Variants in CEP162 observed in about 807,000 individuals in gnomAD.
CEP162 encodes the protein centrosomal protein of 162 kDa.
CEP162 carries 141 observed loss-of-function variants against 169.2 expected under a neutral mutation model. The ratio of observed to expected loss-of-function variants is 0.83; its 90% CI spans 0.73 to 0.96. The LOEUF (loss-of-function observed/expected upper bound fraction) is 0.96, where lower values mean the gene tolerates loss of function less well. Among genes scored for constraint, CEP162 ranks in the 40% least tolerant of loss-of-function variants. CEP162 has a pLI of 0.00. For missense variants in CEP162, 1,600 were observed against 1,587.2 expected (o/e 1.01, Z -0.14); for synonymous variants, 540 against 526.4 (o/e 1.03, Z -0.35).
intron 11 of CEP162, among the ~76,000 whole-genome samples, chr6:84,188,149 T>C (rs1434964651): frequency 6.6e-6 from 1 of 151,888 alleles, no homozygotes; most frequent in African/African-American, 2.4e-5. Flanking sequence ...TAAGTATTGT[T>C]TCCCCAAATA....
chr6:84,206,693 T>C (rs1286031747), intron 6 of CEP162, among the ~76,000 whole-genome samples: 1 of 152,076 alleles, frequency 6.6e-6, no homozygotes, highest in Non-Finnish European at 1.5e-5. Context: ...CCAAAAGCAA[T>C]GGCAACAAAA....
intron 25 of CEP162, among the ~76,000 whole-genome samples, chr6:84,140,959 C>A (rs1386652964): frequency 3.3e-5 from 5 of 152,184 alleles, no homozygotes; most frequent in African/African-American, 1.2e-4. Context: ...ATGATTCAAG[C>A]TCATCACATT....
chr6:84,169,904 G>A (rs2099529316), intron 17 of CEP162, among the ~76,000 whole-genome samples: 1 of 152,078 alleles, frequency 6.6e-6, no homozygotes, highest in Non-Finnish European at 1.5e-5. Context: ...ATTATAGAAG[G>A]AGTTTTGGAT....
At chr6:84,138,035 C>A (rs566713588) in intron 25 of CEP162, among the ~76,000 whole-genome samples, 1 of 152,290 alleles carries the variant, frequency 6.6e-6, no homozygotes, top group African/African-American at 2.4e-5. Context: ...TGGGAATCAT[C>A]TTTGCTTTAT....
intron 25 of CEP162, among the ~76,000 whole-genome samples, chr6:84,133,163 C>T (rs1561996309): frequency 6.6e-6 from 1 of 152,194 alleles, no homozygotes; most frequent in Non-Finnish European, 1.5e-5. Context: ...CCAGCAGAGG[C>T]TGCAGAACAG....
intron 19 of CEP162, among the ~76,000 whole-genome samples, 175 bp downstream of exon 19, chr6:84,162,969 T>C (rs914373839): frequency 6.6e-6 from 1 of 152,190 alleles, no homozygotes; most frequent in African/African-American, 2.4e-5. Context: ...GTTATTCCTG[T>C]TAAACCCAAT....
chr6:84,152,926 G>C lies in CEP162; in HGVS notation c.3248C>G (p.Ala1083Gly). ...SIEFQVEQAHAKAKLVRLNEE... is the reference protein window; with the variant it reads ...SIEFQVEQAHGKAKLVRLNEE... ...ATTGAGTCTTACTAATTTAGCTTTAGCATGAGCCTGTTCCACCTGGAATTC... is the reference window on the plus strand; with the variant it reads ...ATTGAGTCTTACTAATTTAGCTTTACCATGAGCCTGTTCCACCTGGAATTC... The change falls in exon 23 of 27, where the codon GCT becomes GGT. Residue 1083 changes from alanine to glycine, a missense_variant. Coordinates refer to ENST00000403245, the MANE Select transcript of CEP162 (RefSeq NM_014895.4). 1 of 1,613,646 alleles carries C rather than the reference G, an allele frequency of 6.2e-7. No homozygotes were observed. Among genetic ancestry groups the C allele is most frequent in the Non-Finnish European group, 8.5e-7 (1 of 1,179,780 alleles).
At chr6:84,144,542 T>C (rs1297583391) in intron 25 of CEP162, among the ~76,000 whole-genome samples, 1 of 152,100 alleles carries the variant, frequency 6.6e-6, no homozygotes, top group Non-Finnish European at 1.5e-5. Context: ...CAACTATAAA[T>C]ACAAAGTGTT....
At chr6:84,215,967 T>C (rs988224279) in intron 3 of CEP162, 45 bp from the exon 4 acceptor site, 6 of 1,478,380 alleles carry the variant, frequency 4.1e-6, no homozygotes, top group Non-Finnish European at 5.4e-6. Flanking sequence ...GTTCAAAGAA[T>C]TGTTTTGGCC....
In CEP162 at chr6:84,204,135, G is replaced by A. The variant is rs759012485; in HGVS notation, c.572-39C>T. Reference sequence around the variant, plus strand: ...TTTTTAAAAGTACAAAGACCACATTGTTAAAAAAGTCAAATTCCAGGAAAA... The same window carrying A: ...TTTTTAAAAGTACAAAGACCACATTATTAAAAAAGTCAAATTCCAGGAAAA... On this transcript the variant is annotated intron_variant, in intron 6 of 26. Transcript: ENST00000403245. 1.8e-5 allele frequency: 22 copies of A among 1,243,708 alleles called. 1 individual carries two copies. In the South Asian group the frequency reaches 2.9e-4, roughly 17 times the overall value. The allele number at this position is 1,243,708 out of a possible 1,614,324, so 77.0% of individuals were successfully genotyped here.
At chr6:84,127,024 A>C (rs961308769) in intron 25 of CEP162, among the ~76,000 whole-genome samples, 3 of 152,146 alleles carry the variant, frequency 2.0e-5, no homozygotes, top group Non-Finnish European at 4.4e-5. Flanking sequence ...GTATACATAT[A>C]AAGTAGAAAT....
rs543141089 is a variant in CEP162 at position 84,176,223 on chromosome 6, T to C, written c.1664-876A>G. 4.8e-4 allele frequency among the ~76,000 whole-genome samples: 73 copies of C among 152,310 alleles called. 3 individuals are homozygous for C. The South Asian group carries it at 0.014, about 29-fold the overall frequency. ...TTTACTTTTTAATTACAAATGAATG[T>C]TATACATGATTATTAAATATTTGGA... is the stretch of plus-strand genomic sequence containing the variant. On this transcript the variant is annotated intron_variant, in intron 13 of 26. Coordinates refer to ENST00000403245, the MANE Select transcript of CEP162 (RefSeq NM_014895.4).
chr6:84,144,472 G>A (rs927682045), intron 25 of CEP162, among the ~76,000 whole-genome samples: 3 of 152,082 alleles, frequency 2.0e-5, no homozygotes, highest in Non-Finnish European at 4.4e-5. Flanking sequence ...CTAGTTTAAA[G>A]TCTTATCATC....
chr6:84,168,700 T>C (rs1015343629), intron 18 of CEP162, among the ~76,000 whole-genome samples: 2 of 152,304 alleles, frequency 1.3e-5, no homozygotes, highest in African/African-American at 4.8e-5. Flanking sequence ...CTGCTTAAAA[T>C]AGAACTACCC....
chr6:84,138,647 G>T (rs938878677), intron 25 of CEP162, among the ~76,000 whole-genome samples: 1 of 152,124 alleles, frequency 6.6e-6, no homozygotes, highest in Non-Finnish European at 1.5e-5. Flanking sequence ...CATGTGCTGC[G>T]TCTTCTATTT....
chr6:84,179,148 T>G (rs2099533661), intron 13 of CEP162, among the ~76,000 whole-genome samples: 2 of 152,364 alleles, frequency 1.3e-5, no homozygotes, highest in South Asian at 4.1e-4. Flanking sequence ...TATAGTAGAA[T>G]GATTTATAAT....
Position 84,215,880 on chromosome 6 carries a change from GTCT to G in CEP162, c.212_214del (p.Lys71del). On this transcript the variant is annotated inframe_deletion, in exon 4 of 27. Transcript: ENST00000403245. Reference sequence around the variant, plus strand: ...TTCTATTTCCATAACAGGCTGAGAAGTCTTCTTTGTTTTCAAATAGCTCACATT... The same window carrying G: ...TTCTATTTCCATAACAGGCTGAGAAGTCTTTGTTTTCAAATAGCTCACATT... 6.3e-7 allele frequency: 1 copy of G among 1,577,776 alleles called. No individual in the cohort carries two copies. The highest frequency in any genetic ancestry group is 8.6e-7 in the Non-Finnish European group (1 of 1,160,438).
At chr6:84,207,438 A>C (rs1456186626) in intron 6 of CEP162, among the ~76,000 whole-genome samples, 2 of 152,030 alleles carry the variant, frequency 1.3e-5, no homozygotes, top group African/African-American at 2.4e-5. Context: ...GAAGCTAGAA[A>C]CCATCATTCT....
intron 6 of CEP162, among the ~76,000 whole-genome samples, chr6:84,212,125 C>T (rs2099549748): frequency 6.6e-6 from 1 of 151,918 alleles, no homozygotes; most frequent in Admixed American, 6.6e-5. Flanking sequence ...CAAACAAAAG[C>T]TGAGAGAACT....
Sources: allele counts gnomAD v4.1 joint callset (sites outside exome capture counted in the v4.1 genomes callset), GRCh38; gene constraint gnomAD v4.1.1; transcripts MANE v1.5; gene names NCBI Gene and HGNC (gene_info 2026-07-23, HGNC 2026-07-21).